ZNF341: variants seen among roughly 807,000 people sequenced by gnomAD.
ZNF341 encodes zinc finger protein 341.
A neutral mutation model predicts 87.7 loss-of-function variants in ZNF341; 52 were observed. That is an observed-to-expected ratio of 0.59 (90% CI 0.47 to 0.75). ZNF341 has a LOEUF of 0.75. Ranked by LOEUF, ZNF341 falls within the 30% of genes least tolerant of loss-of-function variation. ZNF341 has a pLI of 0.00. For missense variants in ZNF341, 977 were observed against 1,145.9 expected, an observed-to-expected ratio of 0.85 and a Z score of 2.13; for synonymous variants, 459 against 472.7, an observed-to-expected ratio of 0.97 and a Z score of 0.38.
At chr20:33,784,761 C>T (rs908033433) in intron 12 of ZNF341, among the ~76,000 whole-genome samples, 2 of 151,898 alleles carry the variant, frequency 1.3e-5, no homozygotes, top group Non-Finnish European at 2.9e-5. Flanking sequence ...ATTACAGGCT[C>T]CCACCACCAT....
intron 9 of ZNF341, among the ~76,000 whole-genome samples, chr20:33,769,703 G>C (rs1413097623): frequency 5.9e-5 from 9 of 152,146 alleles, no homozygotes; most frequent in Non-Finnish European, 8.8e-5. Context: ...TTGAGGTCAG[G>C]AGTTCGAGAC....
chr20:33,734,328 C>T (rs558341151), intron 1 of ZNF341, among the ~76,000 whole-genome samples: 68 of 152,170 alleles, frequency 4.5e-4, no homozygotes, highest in Non-Finnish European at 7.6e-4. Flanking sequence ...AGGTTTTCAG[C>T]AGGGGAGCAG....
chr20:33,770,028 C>A, intron 9 of ZNF341, 56 bp from the exon 10 acceptor site: 2 of 1,249,434 alleles, frequency 1.6e-6, no homozygotes, highest in Non-Finnish European at 2.3e-6. Context: ...AGGCCAGGGG[C>A]TGCAGTGGAG....
chr20:33,786,197 T>C (rs965061648), intron 12 of ZNF341, among the ~76,000 whole-genome samples: 2 of 151,838 alleles, frequency 1.3e-5, no homozygotes, highest in Admixed American at 6.6e-5. Context: ...AGATATGTGG[T>C]TTCACCATGT....
chr20:33,774,315 A>G (rs1355037890), intron 10 of ZNF341, among the ~76,000 whole-genome samples: 1 of 152,108 alleles, frequency 6.6e-6, no homozygotes, highest in Admixed American at 6.6e-5. Flanking sequence ...AAAAAAGAGA[A>G]AAATAAGATT....
intron 10 of ZNF341, among the ~76,000 whole-genome samples, chr20:33,772,010 T>TA (rs57345366): frequency 0.015 from 857 of 56,152 alleles, 63 homozygotes; most frequent in African/African-American, 0.039. Context: ...ACGCTTGTCT[T>TA]AAAAAAAAAA....
At chr20:33,741,101 T>G in intron 2 of ZNF341, 89 bp downstream of exon 2, 1 of 1,254,212 alleles carries the variant, frequency 8.0e-7, no homozygotes, top group Non-Finnish European at 1.2e-6. Flanking sequence ...GGGAGTGAAA[T>G]GCTTGCTGTG....
At chr20:33,763,891 T>C (rs1461975062) in intron 8 of ZNF341, among the ~76,000 whole-genome samples, 1 of 151,844 alleles carries the variant, frequency 6.6e-6, no homozygotes, top group Non-Finnish European at 1.5e-5. Flanking sequence ...CATATGTAAT[T>C]TAAAATGTTC....
At chr20:33,766,372 G>A (rs1185939536) in intron 8 of ZNF341, among the ~76,000 whole-genome samples, 1 of 150,962 alleles carries the variant, frequency 6.6e-6, no homozygotes, top group Admixed American at 6.6e-5. Flanking sequence ...TTTTTGTATT[G>A]TTAGTAGAGA....
rs2019793135 is a variant in ZNF341 at position 33,783,846 on chromosome 20, C to T, written c.1834C>T (p.His612Tyr). 1 of 1,613,516 alleles carries T rather than the reference C, an allele frequency of 6.2e-7. No homozygotes were observed. The change falls in exon 12 of 15, where the codon CAT becomes TAT. Residue 612 changes from histidine (H) to tyrosine (Y), a missense_variant. His to Tyr is a moderately conservative substitution (Grantham distance 83). This residue lies in a region of ZNF341 where 241 missense variants were observed against 335.0 expected (regional missense o/e 0.72). Transcript: ENST00000375200. ...CCGGCGGGAGCATTATCTCAAACTG[C>T]ATGCTCACATCCACTCGGGTAGGTA... ...FFRREHYLKL[H>Y]AHIHSGEKPY...
chr20:33,784,439 C>T (rs1352394979), intron 12 of ZNF341, among the ~76,000 whole-genome samples: 1 of 77,436 alleles, frequency 1.3e-5, no homozygotes, highest in Non-Finnish European at 2.6e-5. Flanking sequence ...CAGCCCCCTC[C>T]CCCTCCTCTC....
At chr20:33,778,150 A>G (rs1347901134) in intron 10 of ZNF341, among the ~76,000 whole-genome samples, 1 of 152,044 alleles carries the variant, frequency 6.6e-6, no homozygotes, top group Non-Finnish European at 1.5e-5. Context: ...ACACAAATCT[A>G]TGTCTCCCCC....
At chr20:33,751,818 C>T (rs1180491500) in intron 4 of ZNF341, among the ~76,000 whole-genome samples, 1 of 152,146 alleles carries the variant, frequency 6.6e-6, no homozygotes, top group Non-Finnish European at 1.5e-5. Flanking sequence ...CTCCACCCGC[C>T]TCAGCCTCCC....
rs1374346219 is a variant in ZNF341, at chr20:33,732,077, G to A, written c.31+25G>A. ...GGTGAGCGGCGGCGGGGCCGGCGGA[G>A]GCGGCTGTTCCGCGCTGCGCCCCCT... On this transcript the variant is annotated intron_variant, in intron 1 of 14. Transcript: ENST00000375200. This position sits in a 1 kb window ranked among gnomAD's most constrained non-coding sequence, Gnocchi z 4.5. The A allele has an allele frequency of 5.5e-6, 7 of 1,261,336 alleles. No homozygotes were observed. The highest frequency in any genetic ancestry group is 2.7e-5 in the South Asian group (1 of 37,532). The allele number at this position is 1,261,336 out of a possible 1,614,324, so 78.1% of individuals were successfully genotyped here.
intron 11 of ZNF341, 67 bp from the exon 12 acceptor site, chr20:33,783,665 A>G: frequency 6.2e-7 from 1 of 1,608,582 alleles, no homozygotes; most frequent in Non-Finnish European, 8.5e-7. Context: ...GGAACCTTTG[A>G]GTTCAGAAGA....
rs1224736027 is a variant in ZNF341 at position 33,732,191 on chromosome 20, G to GGGCGCGGGCGGGAAC, written c.31+140_31+154dup. ...GGCTGGAACAGCCGCGGGGCGGGAG[G>GGGCGCGGGCGGGAAC]GGCGCGGGCGGGAACAGCGCGGGAG... On this transcript the variant is annotated intron_variant, in intron 1 of 14. Coordinates refer to ENST00000375200, the MANE Select transcript of ZNF341 (RefSeq NM_001282933.2). This position sits in a 1 kb window ranked among gnomAD's most constrained non-coding sequence, Gnocchi z 4.5. The GGGCGCGGGCGGGAAC allele has an allele frequency of 2.2e-5, 14 of 640,346 alleles. No homozygotes were observed. The highest frequency in any genetic ancestry group is 2.5e-5 in the Non-Finnish European group (13 of 515,332). 39.7% of individuals were successfully genotyped at this position (640,346 alleles called of 1,614,324 possible).
At chr20:33,749,838 C>T (rs1387019043) in intron 4 of ZNF341, among the ~76,000 whole-genome samples, 3 of 151,862 alleles carry the variant, frequency 2.0e-5, no homozygotes, top group Non-Finnish European at 2.9e-5. Flanking sequence ...CTGCAACTTC[C>T]ACCTCCCAGG....
chr20:33,789,923 C>G (rs1470775982), intron 14 of ZNF341, among the ~76,000 whole-genome samples: 1 of 152,104 alleles, frequency 6.6e-6, no homozygotes, highest in Non-Finnish European at 1.5e-5. Flanking sequence ...GGCCAGGAAG[C>G]TTCTTTGATA....
Position 33,792,190 on chromosome 20 carries a change from A to G in ZNF341, c.*673A>G. On this transcript the variant is annotated 3_prime_UTR_variant, in exon 15 of 15. Transcript: ENST00000375200. ...CCTCATAGGGTTGTCCTGGGGATCC[A>G]GTATGATGAAGTGCGCCAGGGGCTT... 6.6e-6 allele frequency: 1 copy of G among 152,296 alleles called. No individual in the cohort carries two copies. The allele number at this position is 152,296 out of a possible 1,614,324, so 9.4% of individuals were successfully genotyped here.
Sources: allele counts gnomAD v4.1 joint callset (sites outside exome capture counted in the v4.1 genomes callset), GRCh38; gene constraint gnomAD v4.1.1; regional missense constraint gnomAD v4.1.1; non-coding constraint Gnocchi (gnomAD v3.1); transcripts MANE v1.5; gene names NCBI Gene and HGNC (gene_info 2026-07-23, HGNC 2026-07-21).